The following OSBPL10 variants were observed in gnomAD, a reference collection of about 807,000 sequenced individuals.
The protein encoded by OSBPL10 is oxysterol-binding protein-related protein 10.
OSBPL10 carries 49 observed loss-of-function variants against 81.7 expected under a neutral mutation model. The observed-to-expected ratio is 0.60, with a 90% confidence interval of 0.48 to 0.76. OSBPL10 has a LOEUF of 0.76. OSBPL10 is among the 30% of genes least tolerant of loss of function. The probability of loss-of-function intolerance (pLI) is 0.00; values close to 1 mark genes in which losing one functional copy is unlikely to be tolerated. For synonymous variants in OSBPL10, 419 were observed against 383.6 expected, an observed-to-expected ratio of 1.09 and a Z score of -1.08; for missense variants, 923 against 987.8, an observed-to-expected ratio of 0.93 and a Z score of 0.88.
chr3:32,039,886 C>T (rs1380588762), intron 2 of OSBPL10, among the ~76,000 whole-genome samples: 1 of 152,026 alleles, frequency 6.6e-6, no homozygotes. Context: ...CAAAGCCTGA[C>T]AAAGACAGTC....
chr3:31,665,886 C>T (rs905219869), intron 10 of OSBPL10, among the ~76,000 whole-genome samples: 2 of 152,200 alleles, frequency 1.3e-5, no homozygotes, highest in Admixed American at 1.3e-4. Flanking sequence ...AAGACAGTGG[C>T]CCCAAGAGTA....
intron 1 of OSBPL10, among the ~76,000 whole-genome samples, chr3:31,913,484 G>A (rs1053279686): frequency 1.3e-5 from 2 of 152,106 alleles, no homozygotes; most frequent in Admixed American, 1.3e-4. Flanking sequence ...TCCTGAACTC[G>A]TGATCCACCT....
chr3:31,969,948 A>C (rs1317245075), intron 1 of OSBPL10, among the ~76,000 whole-genome samples: 3 of 151,952 alleles, frequency 2.0e-5, no homozygotes, highest in African/African-American at 7.2e-5. Context: ...GGCGCGGGGC[A>C]GGAAATGATT....
At chr3:31,783,111 T>TTATATATATATATATATATA (rs56846176) in intron 4 of OSBPL10, among the ~76,000 whole-genome samples, 3 of 121,648 alleles carry the variant, frequency 2.5e-5, no homozygotes, top group African/African-American at 7.3e-5. Context: ...AATATATCTA[T>TTATATATATATATATATATA]TATATATATA....
Position 31,966,081 on chromosome 3 carries a change from G to C in OSBPL10, c.281+14818C>G, listed in dbSNP as rs1285294029. ...AGGCCAAGGTGGGAGGATTGCTTGA[G>C]GTCAGGAGTTTGAGACCAGCCTGAA... On this transcript the variant is annotated intron_variant, in intron 1 of 11. Transcript: ENST00000396556. Among the ~76,000 whole-genome samples, 5 of 145,848 alleles carry C rather than the reference G, an allele frequency of 3.4e-5. No homozygotes were observed. In the East Asian group the frequency reaches 9.8e-4, roughly 29 times the overall value.
chr3:31,969,842 G>A (rs536817848), intron 1 of OSBPL10, among the ~76,000 whole-genome samples: 7 of 148,858 alleles, frequency 4.7e-5, no homozygotes, highest in African/African-American at 1.5e-4. Context: ...GCGACAAAGC[G>A]AGACTCCGTC....
intron 1 of OSBPL10, among the ~76,000 whole-genome samples, chr3:31,883,838 C>T (rs1695660804): frequency 6.6e-6 from 1 of 152,212 alleles, no homozygotes; most frequent in Non-Finnish European, 1.5e-5. Context: ...GCCACTCTTA[C>T]ACAAAGGTAA....
chr3:31,881,678 T>C (rs1167786698), intron 1 of OSBPL10, among the ~76,000 whole-genome samples: 1 of 152,228 alleles, frequency 6.6e-6, no homozygotes, highest in Non-Finnish European at 1.5e-5. Flanking sequence ...AATATTTTTC[T>C]TTCAATTGAT....
chr3:31,688,283 T>TCACACACACACA (rs55643097), intron 7 of OSBPL10, among the ~76,000 whole-genome samples: 16 of 115,480 alleles, frequency 1.4e-4, no homozygotes, highest in African/African-American at 3.3e-4. Flanking sequence ...TCTCTCTCTC[T>TCACACACACACA]CACACACACA....
At chr3:31,940,250 G>A (rs1448664272) in intron 1 of OSBPL10, among the ~76,000 whole-genome samples, 1 of 152,224 alleles carries the variant, frequency 6.6e-6, no homozygotes, top group African/African-American at 2.4e-5. Context: ...ATGAAAAGGA[G>A]CTACGACTGA....
chr3:31,836,742 T>C lies in OSBPL10; in HGVS notation c.538-6511A>G, dbSNP rs76919239. ...CAGATCCACCCAGAAGTGTCAAGTG[T>C]GACTTCAAAACCTTCCACCTTCTCC... On this transcript the variant is annotated intron_variant, in intron 3 of 11. Transcript: ENST00000396556. 3.2e-3 allele frequency among the ~76,000 whole-genome samples: 484 copies of C among 152,294 alleles called. 1 individual carries two copies. The highest frequency in any genetic ancestry group is 0.011 in the African/African-American group (464 of 41,568).
intron 1 of OSBPL10, among the ~76,000 whole-genome samples, chr3:31,903,166 G>C (rs572394448): frequency 6.6e-6 from 1 of 152,172 alleles, no homozygotes; most frequent in Non-Finnish European, 1.5e-5. Flanking sequence ...ACTATTCTAG[G>C]TGCCAGGAAT....
chr3:32,029,337 T>TATA (rs1699446096), intron 2 of OSBPL10, among the ~76,000 whole-genome samples: 1 of 152,152 alleles, frequency 6.6e-6, no homozygotes, highest in Admixed American at 6.6e-5. Context: ...ATACTCTAAG[T>TATA]TTTAGGGTAC....
At chr3:31,806,866 C>A (rs1699534028) in intron 4 of OSBPL10, among the ~76,000 whole-genome samples, 1 of 152,028 alleles carries the variant, frequency 6.6e-6, no homozygotes, top group Non-Finnish European at 1.5e-5. Flanking sequence ...AGTGTCTTGG[C>A]ATGTTCTAGG....
rs148268128 is a variant in OSBPL10 at position 31,747,998 on chromosome 3, G to A, written c.852C>T (p.Ala284=). ...GGCACTCCCCAAGGCAGCTGAGGGT[G>A]GCAGCAGAGGTAGCTTTCAGGAGCA... The part of the protein sequence containing the change: ...DLLLLKATSA[A]TLSCLGECLN... The change falls in exon 5 of 12, where the codon GCC becomes GCT. Residue 284 remains alanine, a synonymous_variant. Transcript: ENST00000396556. The A allele has an allele frequency of 5.1e-5, 83 of 1,614,200 alleles. No individual in the cohort carries two copies. The African/African-American group carries it at 8.4e-4, about 16-fold the overall frequency.
At chr3:31,968,537 C>G (rs962954808) in intron 1 of OSBPL10, among the ~76,000 whole-genome samples, 7 of 151,418 alleles carry the variant, frequency 4.6e-5, no homozygotes, top group Non-Finnish European at 7.4e-5. Context: ...ACACTTTACC[C>G]AGACTTAAAC....
chr3:31,708,840 T>C (rs1252799314), intron 6 of OSBPL10: 3 of 985,318 alleles, frequency 3.0e-6, no homozygotes, highest in Non-Finnish European at 1.2e-6. Flanking sequence ...AAAGGGTGGA[T>C]GTTCCACTTT....
chr3:32,069,170 A>G (rs1699807194), intron 1 of OSBPL10, among the ~76,000 whole-genome samples: 1 of 152,150 alleles, frequency 6.6e-6, no homozygotes, highest in Non-Finnish European at 1.5e-5. Flanking sequence ...CCCACTAAAT[A>G]TATACAGGAA....
At chr3:31,677,715 C>G (rs1014318387) in intron 8 of OSBPL10, among the ~76,000 whole-genome samples, 1 of 152,164 alleles carries the variant, frequency 6.6e-6, no homozygotes, top group Non-Finnish European at 1.5e-5. Flanking sequence ...CTATGAGAAA[C>G]AGAGGAGCTA....
Sources: gnomAD v4.1 joint callset for allele counts (sites outside exome capture counted in the v4.1 genomes callset) on GRCh38, gnomAD v4.1.1 for gene constraint, MANE v1.5 for transcripts, NCBI Gene and HGNC (gene_info 2026-07-23, HGNC 2026-07-21) for gene names.